DNAJC15: variants seen among roughly 807,000 people sequenced by gnomAD.
DNAJC15 encodes the protein DnaJ heat shock protein family (Hsp40) member C15.
In DNAJC15, 27 loss-of-function variants were observed where a neutral mutation model predicts 22.4. The ratio of observed to expected loss-of-function variants is 1.20; its 90% CI spans 0.89 to 1.66. The LOEUF (loss-of-function observed/expected upper bound fraction) is 1.66, where lower values mean the gene tolerates loss of function less well. DNAJC15 is among the 40% of genes most tolerant of loss of function. DNAJC15 has a pLI of 0.00. For missense variants in DNAJC15, 208 were observed against 187.1 expected (o/e 1.11, Z -0.65); for synonymous variants, 79 against 63.2 (o/e 1.25, Z -1.19).
intron 3 of DNAJC15, among the ~76,000 whole-genome samples, chr13:43,077,008 C>T (rs1173917430): frequency 6.6e-6 from 1 of 152,166 alleles, no homozygotes; most frequent in Admixed American, 6.5e-5. Flanking sequence ...GTGTTGCAGT[C>T]TTTAGGGAAG....
chr13:43,102,525 C>T (rs1342639773), intron 5 of DNAJC15, among the ~76,000 whole-genome samples: 1 of 152,110 alleles, frequency 6.6e-6, no homozygotes, highest in Non-Finnish European at 1.5e-5. Flanking sequence ...CCTGTAATCC[C>T]AGCACTTTGG....
At chr13:43,089,618 G>A (rs180728801) in intron 5 of DNAJC15, among the ~76,000 whole-genome samples, 30 of 152,294 alleles carry the variant, frequency 2.0e-4, no homozygotes, top group Admixed American at 1.9e-3. Flanking sequence ...TGGAAAGATA[G>A]CATGAGATAA....
At chr13:43,083,886 C>A (rs1187586253) in intron 4 of DNAJC15, among the ~76,000 whole-genome samples, 1 of 152,146 alleles carries the variant, frequency 6.6e-6, no homozygotes, top group African/African-American at 2.4e-5. Flanking sequence ...GAGGAATACT[C>A]TTAAGTCCTT....
chr13:43,085,423 C>T (rs2040683037), intron 4 of DNAJC15, among the ~76,000 whole-genome samples: 10 of 152,112 alleles, frequency 6.6e-5, no homozygotes, highest in Admixed American at 5.9e-4. Flanking sequence ...TTGTCTGCTA[C>T]ACCGTATATA....
At chr13:43,037,873 T>C (rs2040435870) in intron 1 of DNAJC15, among the ~76,000 whole-genome samples, 1 of 152,218 alleles carries the variant, frequency 6.6e-6, no homozygotes, top group African/African-American at 2.4e-5. Flanking sequence ...ACTCAAACCA[T>C]ATTTCTTTGA....
intron 3 of DNAJC15, among the ~76,000 whole-genome samples, chr13:43,072,388 A>G (rs530064530): frequency 6.6e-6 from 1 of 152,202 alleles, no homozygotes; most frequent in South Asian, 2.1e-4. Flanking sequence ...GAGAGATGAG[A>G]AAGATGTTGG....
intron 1 of DNAJC15, among the ~76,000 whole-genome samples, chr13:43,037,072 C>T (rs1312118260): frequency 6.6e-6 from 1 of 152,228 alleles, no homozygotes; most frequent in Non-Finnish European, 1.5e-5. Context: ...CTGTTCCCAG[C>T]TCCCGGCAGC....
chr13:43,113,468 C>T lies in DNAJC15; in HGVS notation c.*6220C>T, dbSNP rs2040833742. Reference sequence around the variant, plus strand: ...AGTCAATGGAACTTTAGTTACCAGTCTAAGAATGTGTCTTTGAGATTGTCC... The same window carrying T: ...AGTCAATGGAACTTTAGTTACCAGTTTAAGAATGTGTCTTTGAGATTGTCC... On this transcript the variant is annotated 3_prime_UTR_variant, in exon 6 of 6. Coordinates refer to ENST00000379221, the MANE Select transcript of DNAJC15 (RefSeq NM_013238.3). 1 of 152,162 alleles carries T rather than the reference C, an allele frequency of 6.6e-6. No homozygotes were observed. The highest frequency in any genetic ancestry group is 6.5e-5 in the Admixed American group (1 of 15,284). 9.4% of individuals were successfully genotyped at this position (152,162 alleles called of 1,614,324 possible). A position where few individuals can be genotyped will look rare whatever the true frequency, so the allele number is the denominator to read the frequency against.
chr13:43,028,506 A>C (rs182333682), intron 1 of DNAJC15, among the ~76,000 whole-genome samples: 2 of 152,332 alleles, frequency 1.3e-5, no homozygotes, highest in East Asian at 3.9e-4. Flanking sequence ...CACTGCCATC[A>C]GTTATTTTTC....
rs1407165014 is a variant in DNAJC15, at chr13:43,076,660, GTA to G, written c.235-1950_235-1949del. Among the ~76,000 whole-genome samples the G allele has an allele frequency of 2.0e-5, 3 of 152,096 alleles. No individual in the cohort carries two copies. In the East Asian group the frequency reaches 5.8e-4, roughly 29 times the overall value. On this transcript the variant is annotated intron_variant, in intron 3 of 5. Coordinates refer to ENST00000379221, the MANE Select transcript of DNAJC15 (RefSeq NM_013238.3). ...GTTTAATGCCTGTAATCATATATGT[GTA>G]TGTTTCCTCCTAAAAGCTAAGTTTA...
At chr13:43,067,180 A>G (rs1232848528) in intron 2 of DNAJC15, among the ~76,000 whole-genome samples, 1 of 152,228 alleles carries the variant, frequency 6.6e-6, no homozygotes, top group East Asian at 1.9e-4. Flanking sequence ...AAAATGAGAA[A>G]TAAGAGGGTC....
At chr13:43,097,596 A>G (rs904285560) in intron 5 of DNAJC15, among the ~76,000 whole-genome samples, 2 of 152,098 alleles carry the variant, frequency 1.3e-5, no homozygotes, top group East Asian at 3.9e-4. Context: ...CAAGAGAATG[A>G]TACTGTTTTG....
At chr13:43,026,369 A>C (rs2040380753) in intron 1 of DNAJC15, among the ~76,000 whole-genome samples, 1 of 152,222 alleles carries the variant, frequency 6.6e-6, no homozygotes, top group Non-Finnish European at 1.5e-5. Context: ...ATATTTTAGG[A>C]CTTCTACGAT....
intron 1 of DNAJC15, among the ~76,000 whole-genome samples, chr13:43,057,275 A>G (rs2040536311): frequency 6.6e-6 from 1 of 152,134 alleles, no homozygotes; most frequent in African/African-American, 2.4e-5. Flanking sequence ...CGTAATCCCA[A>G]ACTTCTTGGA....
intron 1 of DNAJC15, among the ~76,000 whole-genome samples, chr13:43,050,587 T>C (rs1219103008): frequency 6.6e-6 from 1 of 152,090 alleles, no homozygotes; most frequent in Non-Finnish European, 1.5e-5. Flanking sequence ...GATTACAAAA[T>C]ATGATTGTAT....
intron 5 of DNAJC15, 76 bp downstream of exon 5, chr13:43,085,914 T>C: frequency 8.3e-7 from 1 of 1,202,498 alleles, no homozygotes; most frequent in South Asian, 1.3e-5. Context: ...AAGTCATATA[T>C]GATATATAGT....
In DNAJC15 at chr13:43,112,528, G is replaced by A. The variant is rs1023139184; in HGVS notation, c.*5280G>A. The A allele has an allele frequency of 6.6e-6, 1 of 152,190 alleles. No individual in the cohort carries two copies. The highest frequency in any genetic ancestry group is 1.5e-5 in the Non-Finnish European group (1 of 68,036). The allele number at this position is 152,190 out of a possible 1,614,324, so 9.4% of individuals were successfully genotyped here. On this transcript the variant is annotated 3_prime_UTR_variant, in exon 6 of 6. Transcript: ENST00000379221. ...CACATAGAGATATTGGTTCAATATG[G>A]ACATCTAAACTATAATGCTAAAAGC...
At chr13:43,034,360 G>C (rs1391648012) in intron 1 of DNAJC15, among the ~76,000 whole-genome samples, 2 of 117,042 alleles carry the variant, frequency 1.7e-5, no homozygotes, top group Non-Finnish European at 3.2e-5. Context: ...GTGTCGCCCA[G>C]ACTGGAGTGC....
chr13:43,106,595 A>T lies in DNAJC15; in HGVS notation c.383-583A>T, dbSNP rs189020996. On this transcript the variant is annotated intron_variant, in intron 5 of 5. Coordinates refer to ENST00000379221, the MANE Select transcript of DNAJC15 (RefSeq NM_013238.3). ...AGAACAAAAAAAATTTTTTGACATT[A>T]TTTTTATCTCTCATTTATTAAGATT... Among the ~76,000 whole-genome samples, 793 of 152,154 alleles carry T rather than the reference A, an allele frequency of 5.2e-3. 3 individuals carry two copies. The highest frequency in any genetic ancestry group is 8.4e-3 in the Non-Finnish European group (571 of 67,920).
Sources: gnomAD v4.1 joint callset for allele counts (sites outside exome capture counted in the v4.1 genomes callset) on GRCh38, gnomAD v4.1.1 for gene constraint, MANE v1.5 for transcripts, NCBI Gene and HGNC (gene_info 2026-07-23, HGNC 2026-07-21) for gene names.